Variants in FBN1 observed in about 807,000 individuals in gnomAD.
FBN1 encodes fibrillin-1.
FBN1 carries 29 observed loss-of-function variants against 365.1 expected under a neutral mutation model. The observed-to-expected ratio is 0.08, with a 90% confidence interval of 0.06 to 0.11. The LOEUF (loss-of-function observed/expected upper bound fraction) is 0.11. Among genes scored for constraint, FBN1 ranks in the 10% least tolerant of loss-of-function variants. The pLI is 1.00. For missense variants in FBN1, 2,476 were observed against 3,703.2 expected, an observed-to-expected ratio of 0.67 and a Z score of 8.60; for synonymous variants, 1,210 against 1,270.5, an observed-to-expected ratio of 0.95 and a Z score of 1.01.
At chr15:48,582,879 A>G (rs1328454402) in intron 6 of FBN1, among the ~76,000 whole-genome samples, 1 of 152,210 alleles carries the variant, frequency 6.6e-6, no homozygotes, top group African/African-American at 2.4e-5. Context: ...TTTGAAGGGC[A>G]TTGGAAACCT....
chr15:48,442,577 T>A (rs2043124760), intron 49 of FBN1, among the ~76,000 whole-genome samples: 1 of 152,064 alleles, frequency 6.6e-6, no homozygotes, highest in Admixed American at 6.6e-5. Context: ...TCCTGTACAG[T>A]GGTAGTTAAG....
chr15:48,428,818 G>C (rs994843802), intron 56 of FBN1, among the ~76,000 whole-genome samples: 7 of 152,168 alleles, frequency 4.6e-5, no homozygotes, highest in Non-Finnish European at 7.3e-5. Flanking sequence ...TTCCTATATA[G>C]TTTGTAAATA....
intron 9 of FBN1, 96 bp from the exon 10 acceptor site, chr15:48,520,913 G>C: frequency 6.5e-7 from 1 of 1,526,766 alleles, no homozygotes. Flanking sequence ...TCACACTGGG[G>C]CTACGGCAGG....
At chr15:48,503,757 G>A (rs368929287) in intron 17 of FBN1, 30 bp downstream of exon 17, 14 of 1,612,764 alleles carry the variant, frequency 8.7e-6, no homozygotes, top group Non-Finnish European at 8.5e-6. Flanking sequence ...AAGGCTGGCA[G>A]TACGAGGGCA....
chr15:48,553,961 C>A (rs568307339), intron 6 of FBN1, among the ~76,000 whole-genome samples: 1 of 152,268 alleles, frequency 6.6e-6, no homozygotes, highest in South Asian at 2.1e-4. Context: ...CACAACAATT[C>A]TCTGAGGAAG....
intron 6 of FBN1, among the ~76,000 whole-genome samples, chr15:48,557,468 C>T (rs2044190083): frequency 6.6e-6 from 1 of 152,160 alleles, no homozygotes; most frequent in African/African-American, 2.4e-5. Context: ...TCCTTTTTCA[C>T]CTTGGAACAC....
Position 48,431,618 on chromosome 15 carries a change from T to C in FBN1, c.6740-816A>G, listed in dbSNP as rs549948213. 2.0e-5 allele frequency among the ~76,000 whole-genome samples: 3 copies of C among 149,538 alleles called. No homozygotes were observed. The East Asian group carries it at 6.2e-4, about 31-fold the overall frequency. The stretch of plus-strand genomic sequence containing the variant: ...GAGTAACAAACCAAAGCTTACATTA[T>C]GCAATAATTATAATAATAACACAAT... On this transcript the variant is annotated intron_variant, in intron 55 of 65. Transcript: ENST00000316623.
chr15:48,616,521 G>A (rs1889656981), intron 2 of FBN1, among the ~76,000 whole-genome samples: 1 of 152,092 alleles, frequency 6.6e-6, no homozygotes, highest in Admixed American at 6.5e-5. Flanking sequence ...TATTGAAGCT[G>A]GAAAGAACCA....
chr15:48,484,920 T>C (rs911546021), intron 30 of FBN1, among the ~76,000 whole-genome samples: 5 of 152,158 alleles, frequency 3.3e-5, no homozygotes, highest in Non-Finnish European at 7.4e-5. Context: ...TCCAAATCAT[T>C]TGGAGAGATT....
At chr15:48,559,768 G>C (rs769555091) in intron 6 of FBN1, among the ~76,000 whole-genome samples, 1 of 152,140 alleles carries the variant, frequency 6.6e-6, no homozygotes, top group African/African-American at 2.4e-5. Flanking sequence ...GGACGATAGA[G>C]GAAAGTTTTC....
At chr15:48,630,731 C>CAAAAAAAAAAAA (rs11393587) in intron 2 of FBN1, among the ~76,000 whole-genome samples, 15 of 110,918 alleles carry the variant, frequency 1.4e-4, no homozygotes, top group East Asian at 2.7e-4. Context: ...GACTCCATCT[C>CAAAAAAAAAAAA]AAAAAAAAAA....
chr15:48,530,902 T>C (rs2043965546), intron 8 of FBN1, among the ~76,000 whole-genome samples: 1 of 152,192 alleles, frequency 6.6e-6, no homozygotes, highest in African/African-American at 2.4e-5. Flanking sequence ...AATCCCAAAA[T>C]ATTAGTGGTT....
chr15:48,488,567 T>G, intron 25 of FBN1, 74 bp from the exon 26 acceptor site: 1 of 1,556,342 alleles, frequency 6.4e-7, no homozygotes, highest in Non-Finnish European at 8.8e-7. Context: ...GCCCACCATT[T>G]TAAATCATGA....
rs189039405 is a variant in FBN1 at position 48,526,073 on chromosome 15, T to G, written c.988+57A>C. 7.8e-5 allele frequency: 126 copies of G among 1,605,480 alleles called. No individual in the cohort carries two copies. The African/African-American group carries it at 1.5e-3, about 19-fold the overall frequency. On this transcript the variant is annotated intron_variant, in intron 9 of 65. Coordinates refer to ENST00000316623, the MANE Select transcript of FBN1 (RefSeq NM_000138.5). ...TCCTTAACAAGCTTGTTTAGAAAGT[T>G]GTTTGTTATGGAACTGACTTACACA... is the stretch of plus-strand genomic sequence containing the variant.
rs74014541 is a variant in FBN1 at position 48,418,564 on chromosome 15, G to T, written c.7819+2123C>A. 9.9e-3 allele frequency among the ~76,000 whole-genome samples: 1,503 copies of T among 152,230 alleles called. 25 individuals carry two copies. Among genetic ancestry groups the T allele is most frequent in the African/African-American group, 0.034 (1,428 of 41,542 alleles). ...ATCAATATACAAACACCACGATTTGGTTAACATGTTTTGCACTTTTCCTGA... is the reference window on the plus strand; with the variant it reads ...ATCAATATACAAACACCACGATTTGTTTAACATGTTTTGCACTTTTCCTGA... On this transcript the variant is annotated intron_variant, in intron 63 of 65. Coordinates refer to ENST00000316623, the MANE Select transcript of FBN1 (RefSeq NM_000138.5).
intron 6 of FBN1, among the ~76,000 whole-genome samples, chr15:48,557,871 T>C (rs2044193633): frequency 6.6e-6 from 1 of 152,342 alleles, no homozygotes; most frequent in East Asian, 1.9e-4. Flanking sequence ...CCTTGAATAC[T>C]ATGCCTGAAA....
intron 6 of FBN1, among the ~76,000 whole-genome samples, chr15:48,540,924 T>C (rs1283668900): frequency 6.6e-6 from 1 of 152,178 alleles, no homozygotes. Flanking sequence ...CTTGCCAAGA[T>C]ACTCTATGGA....
At chr15:48,631,041 C>T (rs1447837532) in intron 2 of FBN1, among the ~76,000 whole-genome samples, 2 of 152,052 alleles carry the variant, frequency 1.3e-5, no homozygotes, top group East Asian at 1.9e-4. Context: ...TAGGGTGCAG[C>T]GTATAGGAAC....
At chr15:48,639,254 T>C (rs2247876) in intron 2 of FBN1, among the ~76,000 whole-genome samples, 54,484 of 152,066 alleles carry the variant, frequency 0.36, 12,053 homozygotes, top group African/African-American at 0.63. Flanking sequence ...CTCACATCTG[T>C]GAAGGGAAGC....
Sources: gnomAD v4.1 joint callset for allele counts (sites outside exome capture counted in the v4.1 genomes callset) on GRCh38, gnomAD v4.1.1 for gene constraint, MANE v1.5 for transcripts, NCBI Gene and HGNC (gene_info 2026-07-23, HGNC 2026-07-21) for gene names.